Variants in TENM3 observed in about 807,000 individuals in gnomAD.
TENM3 encodes teneurin-3.
Under a neutral mutation model 255.1 loss-of-function variants are expected in TENM3, and 63 were observed. The observed-to-expected ratio is 0.25, with a 90% CI of 0.20 to 0.30. The LOEUF (loss-of-function observed/expected upper bound fraction) is 0.30. Ranked by LOEUF, TENM3 falls within the 10% of genes least tolerant of loss-of-function variation. The pLI, the probability that TENM3 is intolerant of heterozygous loss-of-function variation, is 1.00. For synonymous variants in TENM3, 1,306 were observed against 1,322.3 expected (o/e 0.99, Z 0.27); for missense variants, 2,929 against 3,461.1 (o/e 0.85, Z 3.86).
At chr4:182,250,126 C>T (rs1339529724) in intron 1 of TENM3, among the ~76,000 whole-genome samples, 1 of 147,888 alleles carries the variant, frequency 6.8e-6, no homozygotes, top group Non-Finnish European at 1.5e-5. Context: ...GATCTGGGCT[C>T]ACTGCAAGCT....
chr4:182,070,856 C>A, the TENM3 span, among the ~76,000 whole-genome samples: 1 of 152,134 alleles, frequency 6.6e-6, no homozygotes, highest in Non-Finnish European at 1.5e-5. Context: ...TTTGGGGGTA[C>A]CTTTCCTCTA....
intron 22 of TENM3, among the ~76,000 whole-genome samples, chr4:182,761,961 C>T (rs894072041): frequency 2.6e-5 from 4 of 152,138 alleles, no homozygotes; most frequent in African/African-American, 9.7e-5. Context: ...CAAGCATTAA[C>T]CTGAACACTA....
chr4:181,812,581 T>G, the TENM3 span, among the ~76,000 whole-genome samples: 1 of 152,224 alleles, frequency 6.6e-6, no homozygotes, highest in African/African-American at 2.4e-5. Flanking sequence ...TTTCACTTTC[T>G]GTGCACTCTG....
the TENM3 span, among the ~76,000 whole-genome samples, chr4:181,619,053 T>C: frequency 7.9e-5 from 12 of 152,122 alleles, no homozygotes. Context: ...GCCTAACCAA[T>C]GGGAGGCCAG....
chr4:182,118,178 T>G, the TENM3 span, among the ~76,000 whole-genome samples: 1 of 151,354 alleles, frequency 6.6e-6, no homozygotes, highest in Admixed American at 6.6e-5. Context: ...TCCAGGAGGT[T>G]TTTTTGTCAG....
At chr4:182,765,261 CAA>C (rs1371656305) in intron 22 of TENM3, among the ~76,000 whole-genome samples, 4 of 152,028 alleles carry the variant, frequency 2.6e-5, no homozygotes, top group African/African-American at 4.8e-5. Flanking sequence ...GATCTGGTGA[CAA>C]GTGGAAAAAA....
At chr4:182,502,857 G>A (rs1007904960) in intron 3 of TENM3, among the ~76,000 whole-genome samples, 1 of 147,418 alleles carries the variant, frequency 6.8e-6, no homozygotes, top group African/African-American at 2.5e-5. Context: ...GTGGGCATGG[G>A]TTGGAGCTTT....
chr4:182,666,648 G>A (rs1754705456), intron 6 of TENM3, among the ~76,000 whole-genome samples: 1 of 152,172 alleles, frequency 6.6e-6, no homozygotes, highest in South Asian at 2.1e-4. Flanking sequence ...TGCAATCCCA[G>A]CACTTTGGGT....
At chr4:182,435,956 T>G (rs1192264267) in intron 3 of TENM3, among the ~76,000 whole-genome samples, 2 of 151,918 alleles carry the variant, frequency 1.3e-5, no homozygotes, top group Admixed American at 6.6e-5. Context: ...AAAAAAGAAA[T>G]GGCATATTAT....
chr4:182,464,020 G>A (rs558794919), intron 3 of TENM3, among the ~76,000 whole-genome samples: 1 of 152,162 alleles, frequency 6.6e-6, no homozygotes, highest in East Asian at 1.9e-4. Flanking sequence ...TAATACAATA[G>A]TAAGGAATAA....
intron 4 of TENM3, among the ~76,000 whole-genome samples, chr4:182,602,510 A>G (rs1421319616): frequency 6.6e-6 from 1 of 152,198 alleles, no homozygotes; most frequent in Non-Finnish European, 1.5e-5. Context: ...TCAACAATGA[A>G]AGTCTTTCTG....
At chr4:182,232,934 G>A (rs906086953) in intron 1 of TENM3, among the ~76,000 whole-genome samples, 14 of 152,116 alleles carry the variant, frequency 9.2e-5, no homozygotes, top group South Asian at 2.1e-4. Flanking sequence ...AGAGCAGCAC[G>A]CAACTTTAAA....
chr4:182,369,299 C>T (rs1004734280), intron 3 of TENM3, among the ~76,000 whole-genome samples: 1 of 152,172 alleles, frequency 6.6e-6, no homozygotes, highest in African/African-American at 2.4e-5. Context: ...GGAAAGAAAA[C>T]TAAGGCTTAG....
the TENM3 span, among the ~76,000 whole-genome samples, chr4:182,070,904 C>T: frequency 6.6e-6 from 1 of 152,134 alleles, no homozygotes; most frequent in African/African-American, 2.4e-5. Context: ...ATTTTCCATT[C>T]ATTGCTTCTG....
intron 3 of TENM3, among the ~76,000 whole-genome samples, chr4:182,392,133 G>C (rs926042856): frequency 6.6e-6 from 1 of 152,034 alleles, no homozygotes; most frequent in African/African-American, 2.4e-5. Context: ...ATCTCAAATG[G>C]GGAAAAGGGC....
the TENM3 span, among the ~76,000 whole-genome samples, chr4:181,492,366 A>C: frequency 6.6e-6 from 1 of 152,244 alleles, no homozygotes; most frequent in Admixed American, 6.5e-5. Context: ...CTTTTTAACC[A>C]AGAGGCATTG....
chr4:182,398,744 C>A (rs1043251464), intron 3 of TENM3, among the ~76,000 whole-genome samples: 12 of 152,262 alleles, frequency 7.9e-5, no homozygotes, highest in Admixed American at 5.2e-4. Context: ...ATAGTTGTGA[C>A]AAAAGCTAAG....
the TENM3 span, among the ~76,000 whole-genome samples, chr4:181,674,046 A>G: frequency 1.3e-5 from 2 of 152,114 alleles, no homozygotes; most frequent in African/African-American, 4.8e-5. Context: ...CCCTAGCTGG[A>G]GTGCAGTGGC....
chr4:181,510,815 T>C, the TENM3 span, among the ~76,000 whole-genome samples: 6 of 152,216 alleles, frequency 3.9e-5, no homozygotes, highest in Non-Finnish European at 8.8e-5. Context: ...TCATCCTTTT[T>C]CTCACTCTAG....
Sources: gnomAD v4.1 joint callset for allele counts (sites outside exome capture counted in the v4.1 genomes callset) on GRCh38, gnomAD v4.1.1 for gene constraint, MANE v1.5 for transcripts, NCBI Gene and HGNC (gene_info 2026-07-23, HGNC 2026-07-21) for gene names.